Variants in PTPRM observed in about 807,000 individuals in gnomAD.
PTPRM encodes the protein protein tyrosine phosphatase receptor type M.
A neutral mutation model predicts 186.7 loss-of-function variants in PTPRM; 47 were observed. The ratio of observed to expected loss-of-function variants is 0.25; its 90% CI spans 0.20 to 0.32. PTPRM has a LOEUF of 0.32. Among genes scored for constraint, PTPRM ranks in the 10% least tolerant of loss-of-function variants. PTPRM has a pLI of 1.00. For missense variants in PTPRM, 1,494 were observed against 1,865.0 expected, an observed-to-expected ratio of 0.80 and a Z score of 3.66; for synonymous variants, 668 against 674.9, an observed-to-expected ratio of 0.99 and a Z score of 0.16.
chr18:8,387,486 G>A (rs1413320718), intron 31 of PTPRM, among the ~76,000 whole-genome samples: 5 of 127,384 alleles, frequency 3.9e-5, no homozygotes, highest in Admixed American at 8.8e-5. Flanking sequence ...CCCTGCCTCC[G>A]CCGCCCACTG....
chr18:7,702,214 G>A (rs1277861675), intron 1 of PTPRM, among the ~76,000 whole-genome samples: 1 of 152,188 alleles, frequency 6.6e-6, no homozygotes, highest in Non-Finnish European at 1.5e-5. Flanking sequence ...TCAATAATGG[G>A]ATTGTTGGGT....
intron 7 of PTPRM, among the ~76,000 whole-genome samples, chr18:8,043,767 C>T (rs1055060892): frequency 1.3e-5 from 2 of 151,984 alleles, no homozygotes; most frequent in African/African-American, 4.8e-5. Flanking sequence ...CTAAGGTCAC[C>T]CTTGATCTGT....
chr18:8,241,213 C>G (rs939764842), intron 14 of PTPRM, among the ~76,000 whole-genome samples: 3 of 152,158 alleles, frequency 2.0e-5, no homozygotes, highest in Non-Finnish European at 4.4e-5. Flanking sequence ...TGGCTCACAC[C>G]TGTAGTCTCA....
intron 7 of PTPRM, among the ~76,000 whole-genome samples, chr18:8,024,623 C>T (rs983501781): frequency 9.3e-5 from 14 of 150,740 alleles, no homozygotes; most frequent in Non-Finnish European, 1.9e-4. Flanking sequence ...CTGCAAATCT[C>T]TCTCTTACAT....
At chr18:8,169,766 A>G (rs182170979) in intron 14 of PTPRM, among the ~76,000 whole-genome samples, 47 of 152,286 alleles carry the variant, frequency 3.1e-4, no homozygotes, top group African/African-American at 1.0e-3. Flanking sequence ...TATATGCTCA[A>G]TGGATACAAA....
intron 5 of PTPRM, among the ~76,000 whole-genome samples, chr18:7,935,488 AAATT>A (rs1032964063): frequency 2.6e-5 from 4 of 152,276 alleles, no homozygotes; most frequent in African/African-American, 9.6e-5. Flanking sequence ...ACTCTAGAAG[AAATT>A]AATTAATAAT....
intron 1 of PTPRM, among the ~76,000 whole-genome samples, chr18:7,586,154 C>A (rs1439914470): frequency 1.3e-5 from 2 of 152,168 alleles, no homozygotes; most frequent in Non-Finnish European, 2.9e-5. Flanking sequence ...ATCCTTTCAG[C>A]CACTAACCTA....
chr18:7,645,697 C>A (rs567087505), intron 1 of PTPRM, among the ~76,000 whole-genome samples: 89 of 152,260 alleles, frequency 5.8e-4, no homozygotes, highest in African/African-American at 2.1e-3. Context: ...AGATAAAGAC[C>A]AGCGATGGTG....
At chr18:7,637,520 A>G (rs2038346508) in intron 1 of PTPRM, among the ~76,000 whole-genome samples, 1 of 152,222 alleles carries the variant, frequency 6.6e-6, no homozygotes, top group Non-Finnish European at 1.5e-5. Flanking sequence ...TGCTCATTCA[A>G]CAAATATTTA....
intron 7 of PTPRM, among the ~76,000 whole-genome samples, chr18:8,010,452 A>C (rs2084457576): frequency 6.6e-6 from 1 of 152,174 alleles, no homozygotes; most frequent in Admixed American, 6.5e-5. Context: ...TCCCTAAACC[A>C]CTGAGTTTTG....
chr18:8,207,348 A>G (rs2093945610), intron 14 of PTPRM, among the ~76,000 whole-genome samples: 2 of 152,224 alleles, frequency 1.3e-5, no homozygotes, highest in African/African-American at 4.8e-5. Flanking sequence ...TAATATACTT[A>G]GAATTTCTTC....
chr18:8,129,867 C>T (rs2092459965), intron 13 of PTPRM, among the ~76,000 whole-genome samples: 1 of 152,100 alleles, frequency 6.6e-6, no homozygotes, highest in Non-Finnish European at 1.5e-5. Context: ...AATACTTTCA[C>T]CAACCTTGTC....
At chr18:8,151,033 C>T (rs1198182593) in intron 14 of PTPRM, among the ~76,000 whole-genome samples, 2 of 152,118 alleles carry the variant, frequency 1.3e-5, no homozygotes, top group East Asian at 1.9e-4. Flanking sequence ...CACGAGATGC[C>T]GCTCAGAGCT....
At chr18:7,690,205 A>T (rs1424273072) in intron 1 of PTPRM, among the ~76,000 whole-genome samples, 1 of 152,218 alleles carries the variant, frequency 6.6e-6, no homozygotes, top group African/African-American at 2.4e-5. Context: ...AGCACATGTA[A>T]ATACACATAG....
At chr18:8,055,166 T>C (rs1396851483) in intron 7 of PTPRM, among the ~76,000 whole-genome samples, 2 of 152,182 alleles carry the variant, frequency 1.3e-5, no homozygotes, top group African/African-American at 4.8e-5. Flanking sequence ...TTGACTGATA[T>C]CTCTTGTCAA....
chr18:7,606,510 AT>A (rs948831323), intron 1 of PTPRM, among the ~76,000 whole-genome samples: 353 of 151,070 alleles, frequency 2.3e-3, no homozygotes, highest in African/African-American at 7.6e-3. Context: ...ATCATTTTTG[AT>A]TTTTTTTTCA....
intron 11 of PTPRM, among the ~76,000 whole-genome samples, chr18:8,099,253 C>T (rs1345040171): frequency 6.6e-6 from 1 of 151,976 alleles, no homozygotes; most frequent in Non-Finnish European, 1.5e-5. Flanking sequence ...CCCTGCCCAT[C>T]TGTGTCCTGC....
At chr18:7,742,591 C>A (rs958421422) in intron 1 of PTPRM, among the ~76,000 whole-genome samples, 3 of 152,170 alleles carry the variant, frequency 2.0e-5, no homozygotes, top group African/African-American at 7.2e-5. Flanking sequence ...GTAATCCCAG[C>A]GCTTTGGCAG....
At chr18:8,032,700 TC>T (rs1324537279) in intron 7 of PTPRM, among the ~76,000 whole-genome samples, 1 of 152,066 alleles carries the variant, frequency 6.6e-6, no homozygotes, top group Non-Finnish European at 1.5e-5. Context: ...TTTGCCCCCA[TC>T]ATATATTTAA....
Sources: allele counts gnomAD v4.1 joint callset (sites outside exome capture counted in the v4.1 genomes callset), GRCh38; gene constraint gnomAD v4.1.1; transcripts MANE v1.5; gene names NCBI Gene and HGNC (gene_info 2026-07-23, HGNC 2026-07-21).